Variants in OR7E24 observed in about 807,000 individuals in gnomAD.
The protein encoded by OR7E24 is olfactory receptor family 7 subfamily E member 24, also known as olfactory receptor 7E24.
For synonymous variants in OR7E24, 130 were observed against 157.5 expected (o/e 0.83, Z 1.31); for missense variants, 385 against 410.3 (o/e 0.94, Z 0.53).
upstream of OR7E24, among the ~76,000 whole-genome samples, chr19:9,244,805 G>A (rs1457000609): frequency 6.6e-6 from 1 of 151,954 alleles, no homozygotes; most frequent in African/African-American, 2.4e-5. Flanking sequence ...GTTAACCCAG[G>A]GAATAGGAAA....
At chr19:9,243,893 C>T (rs1236478159), upstream of OR7E24, among the ~76,000 whole-genome samples, 1 of 152,208 alleles carries the variant, frequency 6.6e-6, no homozygotes, top group Non-Finnish European at 1.5e-5. Flanking sequence ...GAGACTTCTG[C>T]TGGCATCCTT....
At chr19:9,213,561 A>C in the OR7E24 span, 2 of 272,406 alleles carry the variant, frequency 7.3e-6, no homozygotes, top group Admixed American at 9.9e-5. Flanking sequence ...AGTATGGTGG[A>C]ACCCTGTCTC....
At chr19:9,230,806 T>G in the OR7E24 span, among the ~76,000 whole-genome samples, 1 of 152,212 alleles carries the variant, frequency 6.6e-6, no homozygotes, top group Non-Finnish European at 1.5e-5. Flanking sequence ...TTCCTTTATT[T>G]CATTTTTACC....
At chr19:9,235,053 G>C in the OR7E24 span, 1 of 567,224 alleles carries the variant, frequency 1.8e-6, no homozygotes, top group Non-Finnish European at 3.1e-6. Flanking sequence ...AGGATCTTTG[G>C]AAGGACTCCA....
the OR7E24 span, among the ~76,000 whole-genome samples, chr19:9,239,266 T>C: frequency 6.6e-6 from 1 of 151,948 alleles, no homozygotes. Context: ...CCCTCCTTGG[T>C]TCACACCATT....
chr19:9,247,630 T>C (rs1455979165), upstream of OR7E24: 2 of 398,252 alleles, frequency 5.0e-6, no homozygotes, highest in Non-Finnish European at 8.8e-6. Context: ...CAGACGACTG[T>C]GGAGTTTATG....
chr19:9,242,760 G>A (rs1048085362), upstream of OR7E24, among the ~76,000 whole-genome samples: 2 of 152,100 alleles, frequency 1.3e-5, no homozygotes, highest in African/African-American at 4.8e-5. Flanking sequence ...TCATAGTAAT[G>A]AACTGCCTAG....
the OR7E24 span, among the ~76,000 whole-genome samples, chr19:9,224,615 A>G: frequency 2.0e-5 from 3 of 152,136 alleles, no homozygotes; most frequent in South Asian, 6.2e-4. Flanking sequence ...AATACAAAAA[A>G]TTAACTGAGC....
the OR7E24 span, chr19:9,214,142 C>G: frequency 6.2e-7 from 1 of 1,614,090 alleles, no homozygotes; most frequent in Non-Finnish European, 8.5e-7. Flanking sequence ...TGTACTTGCC[C>G]TTGGTGGAGG....
At chr19:9,233,381 T>C in the OR7E24 span, among the ~76,000 whole-genome samples, 1 of 152,240 alleles carries the variant, frequency 6.6e-6, no homozygotes, top group African/African-American at 2.4e-5. Context: ...CCATGAATTA[T>C]ATATGTTGAT....
At chr19:9,233,044 T>A in the OR7E24 span, among the ~76,000 whole-genome samples, 40,915 of 151,978 alleles carry the variant, frequency 0.27, 6,604 homozygotes, top group African/African-American at 0.44. Flanking sequence ...CAAGTCCCAA[T>A]TACTAAGCTC....
chr19:9,229,659 A>G, the OR7E24 span, among the ~76,000 whole-genome samples: 1 of 152,178 alleles, frequency 6.6e-6, no homozygotes, highest in Non-Finnish European at 1.5e-5. Context: ...ATCTCCCACT[A>G]CCGCTGCAAA....
chr19:9,234,051 G>T, the OR7E24 span, among the ~76,000 whole-genome samples: 31 of 152,024 alleles, frequency 2.0e-4, no homozygotes, highest in South Asian at 8.3e-4. Flanking sequence ...CTACAGGTGC[G>T]CACCACCACG....
the OR7E24 span, chr19:9,235,227 T>A: frequency 2.6e-6 from 4 of 1,520,396 alleles, no homozygotes; most frequent in South Asian, 4.5e-5. Context: ...CCGTCCTCTT[T>A]GGGCTGTTCC....
At position 9,251,947 on chromosome 19, in the gene OR7E24, A is replaced by C; in HGVS notation, c.904A>C (p.Met302Leu). Residue 302 changes from methionine (M) to leucine (L), a missense_variant, in exon 1 of 1, where the codon ATG (methionine) becomes CTG (leucine). By Grantham distance (15) the Met-to-Leu change is conservative. Transcript: ENST00000456448. ...AGTGATGTACACTGTGGTCACCCCCATGCTGAACCCCTTCATCTACAGCCT... is the reference window on the plus strand; with the variant it reads ...AGTGATGTACACTGTGGTCACCCCCCTGCTGAACCCCTTCATCTACAGCCT... The part of the protein sequence containing the change: ...ASVMYTVVTP[M>L]LNPFIYSLRN... The C allele has an allele frequency of 6.2e-7, 1 of 1,614,164 alleles. No homozygotes were observed.
chr19:9,215,989 G>A, the OR7E24 span, among the ~76,000 whole-genome samples: 1 of 152,110 alleles, frequency 6.6e-6, no homozygotes, highest in African/African-American at 2.4e-5. Flanking sequence ...AAGGCAAGGA[G>A]GAGCAAGTCA....
At chr19:9,217,634 G>A in the OR7E24 span, among the ~76,000 whole-genome samples, 1 of 152,128 alleles carries the variant, frequency 6.6e-6, no homozygotes. Flanking sequence ...TGCCTCCCAG[G>A]TTCAAGCGAT....
chr19:9,209,971 A>G, the OR7E24 span: 1 of 152,186 alleles, frequency 6.6e-6, no homozygotes, highest in Non-Finnish European at 1.5e-5. Context: ...ACATATTTCT[A>G]TTGAACAAGT....
At chr19:9,225,589 C>G in the OR7E24 span, among the ~76,000 whole-genome samples, 1 of 152,132 alleles carries the variant, frequency 6.6e-6, no homozygotes, top group African/African-American at 2.4e-5. Flanking sequence ...TGACAGGCAG[C>G]AGCAGAGGCT....
Sources: gnomAD v4.1 joint callset for allele counts (sites outside exome capture counted in the v4.1 genomes callset) on GRCh38, gnomAD v4.1.1 for gene constraint, MANE v1.5 for transcripts, NCBI Gene and HGNC (gene_info 2026-07-23, HGNC 2026-07-21) for gene names.